SPRR2B: variants seen among roughly 807,000 people sequenced by gnomAD.
SPRR2B encodes small proline rich protein 2B.
A neutral mutation model predicts 1.0 loss-of-function variants in SPRR2B; 1 was observed. The ratio of observed to expected loss-of-function variants is 1.01; its 90% confidence interval spans 0.36 to 4.77. SPRR2B has a LOEUF of 4.77. Among genes scored for constraint, SPRR2B ranks in the 30% most tolerant of loss-of-function variants. SPRR2B has a pLI of 0.16. For synonymous variants in SPRR2B, 27 were observed against 33.4 expected (o/e 0.81, Z 0.66); for missense variants, 53 against 88.7 (o/e 0.60, Z 1.62).
chr1:153,070,956 C>T, intron 1 of SPRR2B, 98 bp from the exon 2 acceptor site: 1 of 1,056,664 alleles, frequency 9.5e-7, no homozygotes, highest in South Asian at 1.6e-5. Context: ...TCTCCAATCT[C>T]CAAAAATTTA....
At chr1:153,079,575 C>T in the SPRR2B span, among the ~76,000 whole-genome samples, 1 of 152,046 alleles carries the variant, frequency 6.6e-6, no homozygotes, top group Non-Finnish European at 1.5e-5. Context: ...TTTCAGCTTT[C>T]TACATATGGT....
upstream of SPRR2B, among the ~76,000 whole-genome samples, chr1:153,073,695 T>TCACACACACACA (rs4041380): frequency 7.5e-4 from 109 of 144,588 alleles, no homozygotes; most frequent in Middle Eastern, 3.5e-3. Flanking sequence ...GAGGCATACT[T>TCACACACACACA]CACACACACA....
the SPRR2B span, among the ~76,000 whole-genome samples, chr1:153,082,833 C>T: frequency 1.3e-5 from 2 of 151,718 alleles, no homozygotes; most frequent in Non-Finnish European, 2.9e-5. Flanking sequence ...CTAAACCCCC[C>T]AAAAAGAAAA....
the SPRR2B span, among the ~76,000 whole-genome samples, chr1:153,081,588 A>G: frequency 2.0e-5 from 3 of 152,204 alleles, no homozygotes; most frequent in Non-Finnish European, 4.4e-5. Context: ...CTGGAGAAAA[A>G]CTATGTGAAG....
chr1:153,075,569 A>T (rs418550), upstream of SPRR2B, among the ~76,000 whole-genome samples: 78,298 of 151,678 alleles, frequency 0.52, 20,309 homozygotes, highest in East Asian at 0.66. Context: ...AATAGTACCT[A>T]CTACTAAATT....
chr1:153,078,939 C>A, the SPRR2B span, among the ~76,000 whole-genome samples: 350 of 152,270 alleles, frequency 2.3e-3, 4 homozygotes, highest in African/African-American at 8.1e-3. Flanking sequence ...AATCACCACA[C>A]TGAATTCCAC....
chr1:153,072,903 T>C (rs1272761992), upstream of SPRR2B, among the ~76,000 whole-genome samples: 2 of 152,232 alleles, frequency 1.3e-5, no homozygotes, highest in African/African-American at 2.4e-5. Flanking sequence ...AAAATACTGC[T>C]GCTGGAGCTT....
chr1:153,076,871 A>C, the SPRR2B span, among the ~76,000 whole-genome samples: 53 of 152,258 alleles, frequency 3.5e-4, no homozygotes, highest in African/African-American at 1.1e-3. Context: ...ACACAATTAT[A>C]ACATGGAATG....
chr1:153,078,223 GA>G, the SPRR2B span, among the ~76,000 whole-genome samples: 3 of 152,136 alleles, frequency 2.0e-5, no homozygotes, highest in African/African-American at 7.2e-5. Flanking sequence ...TAATAGGATA[GA>G]AAAAGATATT....
upstream of SPRR2B, among the ~76,000 whole-genome samples, chr1:153,071,934 G>A (rs1022465048): frequency 6.6e-6 from 1 of 152,178 alleles, no homozygotes; most frequent in African/African-American, 2.4e-5. Flanking sequence ...CACTTTAGCT[G>A]AATGCCATAT....
chr1:153,076,079 GA>G (rs1035975388), upstream of SPRR2B, among the ~76,000 whole-genome samples: 1 of 152,066 alleles, frequency 6.6e-6, no homozygotes, highest in Non-Finnish European at 1.5e-5. Flanking sequence ...TTATTCTTCT[GA>G]AAAAATATAT....
Position 153,070,424 on chromosome 1 carries a change from T to C in SPRR2B, c.*197A>G. ...AAGGTTCCTTTGCTCAGTCTCCACC[T>C]GGACAGTGGCAGTATGGCAGCCTTA... On this transcript the variant is annotated 3_prime_UTR_variant, in exon 2 of 2. Transcript: ENST00000368755. 2 of 1,086,256 alleles carry C rather than the reference T, an allele frequency of 1.8e-6. No individual in the cohort carries two copies. The highest frequency in any genetic ancestry group is 2.6e-6 in the Non-Finnish European group (2 of 769,288). 67.3% of individuals were successfully genotyped at this position (1,086,256 alleles called of 1,614,324 possible).
chr1:153,077,582 A>AAAAAAAAAG, the SPRR2B span, among the ~76,000 whole-genome samples: 1 of 151,422 alleles, frequency 6.6e-6, no homozygotes. Context: ...CAAAAAAAAA[A>AAAAAAAAAG]GGATAGAGTT....
At chr1:153,076,479 A>T (rs1654768455), upstream of SPRR2B, among the ~76,000 whole-genome samples, 1 of 152,192 alleles carries the variant, frequency 6.6e-6, no homozygotes, top group African/African-American at 2.4e-5. Context: ...CCTCCAAAAA[A>T]GTCAAAAAGG....
At position 153,070,667 on chromosome 1, in the gene SPRR2B, G is replaced by T. The variant is rs1346799308; in HGVS notation, c.173C>A (p.Thr58Lys). 1 of 1,612,126 alleles carries T rather than the reference G, an allele frequency of 6.2e-7. No homozygotes were observed. The highest frequency in any genetic ancestry group is 1.7e-5 in the Admixed American group (1 of 59,970). The change falls in exon 2 of 2, where the codon ACA becomes AAA. Residue 58 changes from threonine to lysine, a missense_variant. Coordinates refer to ENST00000368755, the MANE Select transcript of SPRR2B (RefSeq NM_001388198.1). Reference protein sequence around the residue: ...QQCQQKYPPVTPSPPCQPKYP... With the variant: ...QQCQQKYPPVKPSPPCQPKYP... The stretch of plus-strand genomic sequence containing the variant: ...CTTTGGCTGGCAGGGTGGGGAAGGT[G>T]TCACAGGAGGATATTTCTGCTGGCA...
At chr1:153,079,382 G>A in the SPRR2B span, among the ~76,000 whole-genome samples, 1 of 152,112 alleles carries the variant, frequency 6.6e-6, no homozygotes, top group Non-Finnish European at 1.5e-5. Flanking sequence ...GATACCATTT[G>A]TCAATTTTGG....
At position 153,071,580 on chromosome 1, in the gene SPRR2B, AAGCAGATCGGTGCTCG is replaced by A. The variant is rs940509398; in HGVS notation, c.-47_-32del. On this transcript the variant is annotated 5_prime_UTR_variant, in exon 1 of 2. Coordinates refer to ENST00000368755, the MANE Select transcript of SPRR2B (RefSeq NM_001388198.1). ...GGAAGCAGACTAACCAGTTTCTCCA[AAGCAGATCGGTGCTCG>A]AGTACCAGGAGTTTAGGAGTTGGGC... 5.1e-4 allele frequency among the ~76,000 whole-genome samples: 78 copies of A among 152,156 alleles called. No individual in the cohort carries two copies. Among genetic ancestry groups the A allele is most frequent in the African/African-American group, 1.6e-3 (66 of 41,442 alleles).
chr1:153,082,546 A>C, the SPRR2B span, among the ~76,000 whole-genome samples: 1 of 152,202 alleles, frequency 6.6e-6, no homozygotes, highest in African/African-American at 2.4e-5. Flanking sequence ...CTAAAATCTT[A>C]TAATCAAATT....
chr1:153,079,055 C>T, the SPRR2B span, among the ~76,000 whole-genome samples: 1 of 152,206 alleles, frequency 6.6e-6, no homozygotes, highest in Non-Finnish European at 1.5e-5. Context: ...GATCACCATT[C>T]TAATTGGTGT....
Sources: gnomAD v4.1 joint callset for allele counts (sites outside exome capture counted in the v4.1 genomes callset) on GRCh38, gnomAD v4.1.1 for gene constraint, MANE v1.5 for transcripts, NCBI Gene and HGNC (gene_info 2026-07-23, HGNC 2026-07-21) for gene names.